The following STRIP2 variants were observed in gnomAD, a reference collection of about 807,000 sequenced individuals.
The protein encoded by STRIP2 is striatin-interacting protein 2.
Under a neutral mutation model 107.1 loss-of-function variants are expected in STRIP2, and 84 were observed. That is an observed-to-expected ratio of 0.78 (90% CI 0.66 to 0.94). The LOEUF (loss-of-function observed/expected upper bound fraction) is 0.94. Among genes scored for constraint, STRIP2 ranks in the 40% least tolerant of loss-of-function variants. The pLI, the probability that STRIP2 is intolerant of heterozygous loss-of-function variation, is 0.00. For missense variants in STRIP2, 888 were observed against 1,034.2 expected (o/e 0.86, Z 1.94); for synonymous variants, 394 against 400.4 (o/e 0.98, Z 0.19).
chr7:129,475,850 A>G (rs1243272799), intron 18 of STRIP2, among the ~76,000 whole-genome samples: 1 of 152,166 alleles, frequency 6.6e-6, no homozygotes, highest in Non-Finnish European at 1.5e-5. Context: ...GAGTGGACAC[A>G]GCACATGTTT....
Position 129,482,925 on chromosome 7 carries a change from G to A in STRIP2, c.2133G>A (p.Lys711=), listed in dbSNP as rs1562921025. The A allele has an allele frequency of 6.2e-7, 1 of 1,614,092 alleles. No individual in the cohort carries two copies. The highest frequency in any genetic ancestry group is 8.5e-7 in the Non-Finnish European group (1 of 1,180,034). The change falls in exon 20 of 21, where the codon AAG becomes AAA. Residue 711 remains lysine (K), a synonymous_variant. Coordinates refer to ENST00000249344, the MANE Select transcript of STRIP2 (RefSeq NM_020704.3). ...KQAMLQLYVL[K]LLKLQTKYLG... Reference sequence around the variant, plus strand: ...CCATGCTGCAACTTTATGTCCTAAAGCTACTAAAGTTACAGACCAAGTACC... The same window carrying A: ...CCATGCTGCAACTTTATGTCCTAAAACTACTAAAGTTACAGACCAAGTACC...
intron 3 of STRIP2, 129 bp from the exon 4 acceptor site, chr7:129,451,484 A>G (rs1280408765): frequency 7.9e-7 from 1 of 1,268,098 alleles, no homozygotes; most frequent in East Asian, 2.3e-5. Context: ...TCTCAGTGAA[A>G]TAAGGAAAGC....
At chr7:129,463,952 A>C in intron 14 of STRIP2, 92 bp from the exon 15 acceptor site, 2 of 975,140 alleles carry the variant, frequency 2.1e-6, no homozygotes, top group Non-Finnish European at 3.2e-6. Flanking sequence ...TGGCTTTAAA[A>C]CACTTTTTAT....
chr7:129,439,958 GTCT>G (rs1353236404), intron 1 of STRIP2, 61 bp from the exon 2 acceptor site: 4 of 1,293,360 alleles, frequency 3.1e-6, no homozygotes. Context: ...TAAGGGTACA[GTCT>G]TCCCTTGGCA....
rs919827084 is a variant in STRIP2, at chr7:129,483,235, C to T, written c.2254+189C>T. On this transcript the variant is annotated intron_variant, in intron 20 of 20. Coordinates refer to ENST00000249344, the MANE Select transcript of STRIP2 (RefSeq NM_020704.3). This position sits in a 1 kb window ranked among gnomAD's most constrained non-coding sequence, Gnocchi z 5.1. ...CTCAAATTCTAGTATGTACCCTTGT[C>T]CTATGTAAACTATGAAAATCCGTTT... The T allele has an allele frequency of 7.7e-7, 1 of 1,292,686 alleles. No individual in the cohort carries two copies. Among genetic ancestry groups the T allele is most frequent in the African/African-American group, 1.5e-5 (1 of 67,402 alleles). 80.1% of individuals were successfully genotyped at this position (1,292,686 alleles called of 1,614,324 possible). A position where few individuals can be genotyped will look rare whatever the true frequency, so the allele number is the denominator to read the frequency against.
chr7:129,456,120 C>G (rs1387047511), intron 8 of STRIP2, among the ~76,000 whole-genome samples: 1 of 148,672 alleles, frequency 6.7e-6, no homozygotes, highest in Non-Finnish European at 1.5e-5. Context: ...GGATGGTGTT[C>G]CTTAAAAAAG....
chr7:129,456,434 C>T lies in STRIP2; in HGVS notation c.835-5C>T. On this transcript the variant is annotated splice_region_variant and splice_polypyrimidine_tract_variant and intron_variant, in intron 8 of 20. Transcript: ENST00000249344. ...CTCTCTGCCCCTTTCCTGTTTCTTC[C>T]TTAGTTTACCCTCGGTGGATTTGAG... The T allele has an allele frequency of 1.9e-6, 3 of 1,613,732 alleles. No homozygotes were observed. Among genetic ancestry groups the T allele is most frequent in the South Asian group, 1.1e-5 (1 of 91,064 alleles).
intron 16 of STRIP2, 146 bp downstream of exon 16, chr7:129,464,884 G>A: frequency 9.5e-7 from 1 of 1,055,542 alleles, no homozygotes; most frequent in Non-Finnish European, 1.4e-6. Context: ...GCCACCCATT[G>A]CATGAGCTTG....
chr7:129,459,633 C>T, intron 12 of STRIP2, 53 bp downstream of exon 12: 1 of 1,461,248 alleles, frequency 6.8e-7, no homozygotes, highest in Non-Finnish European at 9.6e-7. Context: ...CAAAGCAGGT[C>T]AGATTACCAG....
Position 129,487,102 on chromosome 7 carries a change from C to T in STRIP2, c.*1273C>T, listed in dbSNP as rs1799260638. Reference sequence around the variant, plus strand: ...GATCTCGGCTCACTGCAACCTCCGCCTCCCGGGTTCAAGCGATTCTCCTGC... The same window carrying T: ...GATCTCGGCTCACTGCAACCTCCGCTTCCCGGGTTCAAGCGATTCTCCTGC... On this transcript the variant is annotated 3_prime_UTR_variant, in exon 21 of 21. Coordinates refer to ENST00000249344, the MANE Select transcript of STRIP2 (RefSeq NM_020704.3). The T allele has an allele frequency of 7.0e-6, 1 of 142,124 alleles. No individual in the cohort carries two copies. The highest frequency in any genetic ancestry group is 2.3e-4 in the East Asian group (1 of 4,436). The allele number at this position is 142,124 out of a possible 1,614,324, so 8.8% of individuals were successfully genotyped here.
At chr7:129,440,192 T>C (rs942804926) in intron 2 of STRIP2, 101 bp downstream of exon 2, 6 of 997,062 alleles carry the variant, frequency 6.0e-6, no homozygotes, top group Admixed American at 5.6e-5. Context: ...ACCAAGTGGC[T>C]GTTGAACAAA....
At chr7:129,463,116 C>G (rs1798586004) in intron 14 of STRIP2, 76 bp downstream of exon 14, 5 of 1,177,956 alleles carry the variant, frequency 4.2e-6, no homozygotes, top group Admixed American at 4.2e-5. Flanking sequence ...TCAAGTGGAC[C>G]TGTCCAACAC....
intron 13 of STRIP2, among the ~76,000 whole-genome samples, chr7:129,462,213 G>C (rs574609492): frequency 1.3e-5 from 2 of 152,336 alleles, no homozygotes; most frequent in East Asian, 3.9e-4. Flanking sequence ...AGGCTCTGTT[G>C]AATGTCCATT....
intron 17 of STRIP2, among the ~76,000 whole-genome samples, chr7:129,470,016 A>T (rs1323379778): frequency 1.3e-5 from 2 of 152,220 alleles, no homozygotes; most frequent in Admixed American, 6.5e-5. Flanking sequence ...TCATAATGCA[A>T]TGCCTTATTT....
chr7:129,483,349 C>T lies in STRIP2; in HGVS notation c.2254+303C>T. The T allele has an allele frequency of 9.3e-7, 1 of 1,069,730 alleles. No individual in the cohort carries two copies. The highest frequency in any genetic ancestry group is 1.2e-6 in the Non-Finnish European group (1 of 864,100). 66.3% of individuals were successfully genotyped at this position (1,069,730 alleles called of 1,614,324 possible). A position where few individuals can be genotyped will look rare whatever the true frequency, so the allele number is the denominator to read the frequency against. On this transcript the variant is annotated intron_variant, in intron 20 of 20. Transcript: ENST00000249344. This position sits in a 1 kb window ranked among gnomAD's most constrained non-coding sequence, Gnocchi z 5.1. ...TTTCTCCAAAAGATTTAAATTAAAA[C>T]AACTTTTTATTATTACAAAGCAGTT...
chr7:129,470,785 T>C, intron 18 of STRIP2, 70 bp downstream of exon 18: 1 of 1,321,376 alleles, frequency 7.6e-7, no homozygotes, highest in Non-Finnish European at 1.1e-6. Context: ...CTCTTTCATT[T>C]CTTCTCCAAC....
At chr7:129,485,455 CAA>C (rs34127145) in intron 20 of STRIP2, 122 bp from the exon 21 acceptor site, 3,366 of 763,106 alleles carry the variant, frequency 4.4e-3, no homozygotes, top group Middle Eastern at 7.1e-3. Flanking sequence ...TTGCTCTTTA[CAA>C]AAAAAAAAAA....
chr7:129,476,396 C>T (rs1225415840), intron 18 of STRIP2, among the ~76,000 whole-genome samples: 4 of 137,718 alleles, frequency 2.9e-5, no homozygotes, highest in African/African-American at 8.1e-5. Flanking sequence ...GGCTGCCGGG[C>T]GGAGGGGCTC....
At position 129,434,552 on chromosome 7, in the gene STRIP2, C is replaced by A; in HGVS notation, c.80C>A (p.Ala27Glu). 1 of 1,518,058 alleles carries A rather than the reference C, an allele frequency of 6.6e-7. No individual in the cohort carries two copies. The allele number at this position is 1,518,058 out of a possible 1,614,324, so 94.0% of individuals were successfully genotyped here. A position where few individuals can be genotyped will look rare whatever the true frequency, so the allele number is the denominator to read the frequency against. The change falls in exon 1 of 21, where the codon GCG becomes GAG. Residue 27 changes from alanine (A) to glutamate (E), a missense_variant. Coordinates refer to ENST00000249344, the MANE Select transcript of STRIP2 (RefSeq NM_020704.3). Reference sequence around the variant, plus strand: ...AACGGCGGCGGCAAAGGGAAGCAGGCGGCGCCCAAGGGCCGCGAAGCGTTC... The same window carrying A: ...AACGGCGGCGGCAAAGGGAAGCAGGAGGCGCCCAAGGGCCGCGAAGCGTTC... ...NGNGGGKGKQ[A>E]APKGREAFRS...
Sources: gnomAD v4.1 joint callset for allele counts (sites outside exome capture counted in the v4.1 genomes callset) on GRCh38, gnomAD v4.1.1 for gene constraint, Gnocchi (gnomAD v3.1) non-coding constraint, MANE v1.5 for transcripts, NCBI Gene and HGNC (gene_info 2026-07-23, HGNC 2026-07-21) for gene names.